Variants in EVPL observed in about 807,000 individuals in gnomAD.
EVPL encodes the protein 210 kDa cornified envelope precursor protein.
EVPL carries 94 observed loss-of-function variants against 129.7 expected under a neutral mutation model. The ratio of observed to expected loss-of-function variants is 0.72; its 90% CI spans 0.61 to 0.86. The LOEUF is 0.86. Among genes scored for constraint, EVPL ranks in the 40% least tolerant of loss-of-function variants. The pLI is 0.00. For missense variants in EVPL, 2,625 were observed against 2,721.1 expected (o/e 0.96, Z 0.79); for synonymous variants, 1,172 against 1,191.1 (o/e 0.98, Z 0.33).
intron 13 of EVPL, 116 bp from the exon 14 acceptor site, chr17:76,018,027 G>A: frequency 1.3e-6 from 2 of 1,538,854 alleles, no homozygotes; most frequent in Non-Finnish European, 1.8e-6. Flanking sequence ...GATGGGCAGG[G>A]CCACCCCAGA....
rs753511065 is a variant in EVPL, at chr17:76,022,199, C to A, written c.635G>T (p.Arg212Leu). 5 of 1,612,908 alleles carry A rather than the reference C, an allele frequency of 3.1e-6. No individual in the cohort carries two copies. The South Asian group carries it at 5.5e-5, about 18-fold the overall frequency. Residue 212 changes from arginine (R) to leucine (L), a missense_variant, in exon 6 of 22, where the codon CGA becomes CTA. By Grantham distance (102) the Arg-to-Leu change is moderately radical. Coordinates refer to ENST00000301607, the MANE Select transcript of EVPL (RefSeq NM_001988.4). This position sits in a 1 kb window ranked among gnomAD's most constrained non-coding sequence, Gnocchi z 5.6. ...CTCCCTCCTGCTCACCAGTAGGTCTCGGTATTGGCTCCGGATGGTGGCTGC... is the reference window on the plus strand; with the variant it reads ...CTCCCTCCTGCTCACCAGTAGGTCTAGGTATTGGCTCCGGATGGTGGCTGC... ...PDAATIRSQY[R>L]DLLKAASWRG...
At position 76,024,316 on chromosome 17, in the gene EVPL, G is replaced by A. The variant is rs899146497; in HGVS notation, c.99-196C>T. Reference sequence around the variant, plus strand: ...GGGTGTTAGCACTGCCCCGCCACATGAGGGGTCAAAAGGTGAGGGTCTCAG... The same window carrying A: ...GGGTGTTAGCACTGCCCCGCCACATAAGGGGTCAAAAGGTGAGGGTCTCAG... On this transcript the variant is annotated intron_variant, in intron 1 of 21. Coordinates refer to ENST00000301607, the MANE Select transcript of EVPL (RefSeq NM_001988.4). The surrounding 1 kb of genome is among the most constrained non-coding windows in gnomAD (Gnocchi z 4.5). 2.0e-5 allele frequency among the ~76,000 whole-genome samples: 3 copies of A among 152,214 alleles called. No individual in the cohort carries two copies. The highest frequency in any genetic ancestry group is 4.4e-5 in the Non-Finnish European group (3 of 68,036).
Position 76,018,939 on chromosome 17 carries a change from C to G in EVPL, c.1259G>C (p.Ser420Thr), listed in dbSNP as rs1193290751. The change falls in exon 11 of 22, where the codon AGC (serine) becomes ACC (threonine). Residue 420 changes from serine to threonine, a missense_variant. Coordinates refer to ENST00000301607, the MANE Select transcript of EVPL (RefSeq NM_001988.4). ...NPPQQPLHVDSICDWDSGEVQ... is the reference protein window; with the variant it reads ...NPPQQPLHVDTICDWDSGEVQ... Reference sequence around the variant, plus strand: ...TTCTCCTGAGTCCCAGTCGCAGATGCTGTCCACGTGCAGGGGCTGCTGAGG... The same window carrying G: ...TTCTCCTGAGTCCCAGTCGCAGATGGTGTCCACGTGCAGGGGCTGCTGAGG... 4.5e-6 allele frequency: 7 copies of G among 1,545,364 alleles called. No homozygotes were observed. Among genetic ancestry groups the G allele is most frequent in the Non-Finnish European group, 6.1e-6 (7 of 1,149,120 alleles).
At position 76,010,291 on chromosome 17, in the gene EVPL, G is replaced by A; in HGVS notation, c.2914C>T (p.Leu972=). The A allele has an allele frequency of 6.2e-7, 1 of 1,613,966 alleles. No homozygotes were observed. The part of the protein sequence containing the change: ...FYRDPQLEGS[L]SRVKAQVEEE... Reference sequence around the variant, plus strand: ...TCCACCTGGGCCTTCACCCTGGACAGGCTGCCCTCCAGCTGGGGGTCCCGG... The same window carrying A: ...TCCACCTGGGCCTTCACCCTGGACAAGCTGCCCTCCAGCTGGGGGTCCCGG... The change falls in exon 22 of 22, where the codon CTG becomes TTG. Residue 972 remains leucine, a synonymous_variant. Coordinates refer to ENST00000301607, the MANE Select transcript of EVPL (RefSeq NM_001988.4).
Position 76,025,467 on chromosome 17 carries a change from G to A in EVPL, c.99-1347C>T, listed in dbSNP as rs537143936. On this transcript the variant is annotated intron_variant, in intron 1 of 21. Coordinates refer to ENST00000301607, the MANE Select transcript of EVPL (RefSeq NM_001988.4). ...GACGGAGCTGCCCCAGGCCAGGAGC[G>A]CACTGCTGGGGAGCCTGCCTGGACA... is the stretch of plus-strand genomic sequence containing the variant. Among the ~76,000 whole-genome samples, 129 of 152,302 alleles carry A rather than the reference G, an allele frequency of 8.5e-4. 1 individual carries two copies. The highest frequency in any genetic ancestry group is 2.6e-3 in the African/African-American group (108 of 41,566).
rs2257388 is a variant in EVPL at position 76,023,491 on chromosome 17, T to C, written c.353+9A>G. 1,202,025 of 1,611,724 alleles carry C rather than the reference T, an allele frequency of 0.75. 450,692 individuals are homozygous for C. Among genetic ancestry groups the C allele is most frequent in the African/African-American group, 0.94 (70,482 of 74,924 alleles). ...CAGGGACCCCCAGCCCTGCCGCAGC[T>C]CCACTCACTCCTTCTCAATCTCCTC... is the stretch of plus-strand genomic sequence containing the variant. On this transcript the variant is annotated intron_variant, in intron 3 of 21. Coordinates refer to ENST00000301607, the MANE Select transcript of EVPL (RefSeq NM_001988.4).
intron 10 of EVPL, 31 bp downstream of exon 10, chr17:76,019,497 G>A: frequency 1.3e-6 from 2 of 1,531,248 alleles, no homozygotes; most frequent in East Asian, 2.4e-5. Context: ...CCCAGAAGTG[G>A]GGTGCAGACG....
rs1213905837 is a variant in EVPL at position 76,014,425 on chromosome 17, CCTT to C, written c.2371_2373del (p.Lys791del). On this transcript the variant is annotated inframe_deletion and splice_region_variant, in exon 18 of 22. Coordinates refer to ENST00000301607, the MANE Select transcript of EVPL (RefSeq NM_001988.4). ...GGCAGCTGTCCCTGCCCCAGCCTCA[CCTT>C]CTGCGCCTGCAGCTTGTAGGCGATC... 4.4e-6 allele frequency: 7 copies of C among 1,608,064 alleles called. No individual in the cohort carries two copies. In the African/African-American group the frequency reaches 5.4e-5, roughly 12 times the overall value.
At chr17:76,020,217 C>T (rs2066448293) in intron 9 of EVPL, among the ~76,000 whole-genome samples, 2 of 152,266 alleles carry the variant, frequency 1.3e-5, no homozygotes, top group African/African-American at 4.8e-5. Context: ...TAAACTGTCA[C>T]TCTCCCCTAC....
rs906956371 is a variant in EVPL at position 76,008,201 on chromosome 17, C to G, written c.5004G>C (p.Arg1668=). 11 of 1,614,044 alleles carry G rather than the reference C, an allele frequency of 6.8e-6. No homozygotes were observed. The African/African-American group carries it at 1.3e-4, about 20-fold the overall frequency. The change falls in exon 22 of 22, where the codon CGG becomes CGC. Residue 1668 remains arginine (R), a synonymous_variant. Transcript: ENST00000301607. The surrounding 1 kb of genome is among the most constrained non-coding windows in gnomAD (Gnocchi z 7.4). ...TCTGGGTCTCCTGGCTGAGCTCCTC[C>G]CGGCTCACCTTGGCGTGGAGGTCCC... ...TLRDLHAKVS[R]EELSQETQTR...
At chr17:76,014,282 G>T in intron 18 of EVPL, 144 bp downstream of exon 18, 1 of 1,179,636 alleles carries the variant, frequency 8.5e-7, no homozygotes, top group Non-Finnish European at 1.2e-6. Context: ...CCGTCTGTGG[G>T]CAAAGAGGAG....
Position 76,007,904 on chromosome 17 carries a change from C to A in EVPL, c.5301G>T (p.Lys1767Asn), listed in dbSNP as rs773885610. The stretch of plus-strand genomic sequence containing the variant: ...ACTCGGAGATGGGCAGGTGGCCGTC[C>A]TTGTACAGATGGTACTCCTCCTTAG... The part of the protein sequence containing the change: ...RISKEEYHLY[K>N]DGHLPISEFA... Residue 1767 changes from lysine (K) to asparagine (N), a missense_variant, in exon 22 of 22, where the codon AAG (lysine) becomes AAT (asparagine). Around this residue, in one of 4 missense-constraint regions of EVPL, gnomAD observed 1,453 missense variants for 1,511.8 expected, o/e 0.96. Coordinates refer to ENST00000301607, the MANE Select transcript of EVPL (RefSeq NM_001988.4). This position sits in a 1 kb window ranked among gnomAD's most constrained non-coding sequence, Gnocchi z 8.8. The A allele has an allele frequency of 6.2e-7, 1 of 1,614,106 alleles. No individual in the cohort carries two copies. The highest frequency in any genetic ancestry group is 8.5e-7 in the Non-Finnish European group (1 of 1,180,026).
In EVPL at chr17:76,011,574, A is replaced by G. The variant is rs746423354; in HGVS notation, c.2661+2T>C. ...GGAAAGCTGTAGGTGTTGTCTGTGT[A>G]CCTTCTCCAGCATTTTTCTAGCAAA... On this transcript the variant is annotated splice_donor_variant, in intron 21 of 21. Coordinates refer to ENST00000301607, the MANE Select transcript of EVPL (RefSeq NM_001988.4). LOFTEE classifies it high-confidence loss of function. 6.2e-7 allele frequency: 1 copy of G among 1,613,494 alleles called. No homozygotes were observed. Among genetic ancestry groups the G allele is most frequent in the South Asian group, 1.1e-5 (1 of 91,068 alleles).
At chr17:76,019,787 A>G (rs1469810360) in intron 9 of EVPL, 134 bp from the exon 10 acceptor site, 5 of 1,148,192 alleles carry the variant, frequency 4.4e-6, no homozygotes, top group Non-Finnish European at 5.9e-6. Context: ...CCAGCTAAAC[A>G]CAAACCAGAT....
Position 76,022,863 on chromosome 17 carries a change from C to T in EVPL, c.481-325G>A, listed in dbSNP as rs990267749. Among the ~76,000 whole-genome samples, 3 of 152,240 alleles carry T rather than the reference C, an allele frequency of 2.0e-5. No individual in the cohort carries two copies. Among genetic ancestry groups the T allele is most frequent in the Non-Finnish European group, 2.9e-5 (2 of 68,012 alleles). On this transcript the variant is annotated intron_variant, in intron 4 of 21. Coordinates refer to ENST00000301607, the MANE Select transcript of EVPL (RefSeq NM_001988.4). The surrounding 1 kb of genome is among the most constrained non-coding windows in gnomAD (Gnocchi z 5.6). The stretch of plus-strand genomic sequence containing the variant: ...GGCCCTCAGAATGCCCTGCTCCAGC[C>T]GGGCCCTTCCCCACTGTCCCTCTAT...
At chr17:76,023,910 T>G in intron 2 of EVPL, 111 bp downstream of exon 2, 2 of 1,388,228 alleles carry the variant, frequency 1.4e-6, no homozygotes, top group South Asian at 2.5e-5. Context: ...AAAGGTCATC[T>G]GTCCCATCTT....
chr17:76,021,889 G>A lies in EVPL; in HGVS notation c.785C>T (p.Ala262Val), dbSNP rs1321917992. The change falls in exon 7 of 22, where the codon GCG (alanine) becomes GTG (valine). Residue 262 changes from alanine (A) to valine (V), a missense_variant. By Grantham distance (64) the Ala-to-Val change is moderately conservative. Transcript: ENST00000301607. ...GACCTCGTACTCCCGCCGCACGCCC[G>A]CAGGGTCGGCCATGAGGTCGCTCCA... The part of the protein sequence containing the change: ...QDWSDLMADP[A>V]GVRREYEHFK... The A allele has an allele frequency of 6.4e-7, 1 of 1,559,684 alleles. No homozygotes were observed.
At position 76,021,985 on chromosome 17, in the gene EVPL, G is replaced by A. The variant is rs1274213185; in HGVS notation, c.689C>T (p.Thr230Met). Residue 230 changes from threonine (T) to methionine (M), a missense_variant, in exon 7 of 22, where the codon ACG (threonine) becomes ATG (methionine). Physicochemically the swap from Thr to Met is moderately conservative, Grantham distance 81. This residue lies in a region of EVPL where 1,024 missense variants were observed against 997.5 expected (regional missense o/e 1.03). Transcript: ENST00000301607. ...WRGQSLGSLY[T>M]HLQGCTRQLS... Reference sequence around the variant, plus strand: ...CTGCCGCGTGCAGCCCTGGAGGTGCGTGTACAGGCTGCCCAGGCTCTGCCC... The same window carrying A: ...CTGCCGCGTGCAGCCCTGGAGGTGCATGTACAGGCTGCCCAGGCTCTGCCC... The A allele has an allele frequency of 7.7e-6, 12 of 1,566,268 alleles. 1 individual carries two copies. In the South Asian group the frequency reaches 9.2e-5, roughly 12 times the overall value.
At position 76,010,505 on chromosome 17, in the gene EVPL, T is replaced by C. The variant is rs1186290969; in HGVS notation, c.2700A>G (p.Ala900=). The C allele has an allele frequency of 2.5e-6, 4 of 1,613,822 alleles. No individual in the cohort carries two copies. Among genetic ancestry groups the C allele is most frequent in the African/African-American group, 2.7e-5 (2 of 74,862 alleles). The change falls in exon 22 of 22, where the codon GCA becomes GCG. Residue 900 remains alanine, a synonymous_variant. Transcript: ENST00000301607. ...LSEDIRRTHD[A]KQGSESPAQA... ...GGGCAGGGCTCTCGGAGCCCTGCTTTGCATCATGGGTCCTTCGGATGTCCT... is the reference window on the plus strand; with the variant it reads ...GGGCAGGGCTCTCGGAGCCCTGCTTCGCATCATGGGTCCTTCGGATGTCCT...
Sources: allele counts gnomAD v4.1 joint callset (sites outside exome capture counted in the v4.1 genomes callset), GRCh38; gene constraint gnomAD v4.1.1; regional missense constraint gnomAD v4.1.1; non-coding constraint Gnocchi (gnomAD v3.1); transcripts MANE v1.5; gene names NCBI Gene and HGNC (gene_info 2026-07-23, HGNC 2026-07-21).